ZRANB1: variants seen among roughly 807,000 people sequenced by gnomAD.
The protein encoded by ZRANB1 is zinc finger RANBP2-type containing 1, also known as ubiquitin thioesterase ZRANB1.
ZRANB1 carries 16 observed loss-of-function variants against 80.5 expected under a neutral mutation model. The ratio of observed to expected loss-of-function variants is 0.20; its 90% CI spans 0.13 to 0.30. The LOEUF is 0.30. Among genes scored for constraint, ZRANB1 ranks in the 10% least tolerant of loss-of-function variants. The pLI, the probability that ZRANB1 is intolerant of heterozygous loss-of-function variation, is 1.00. For missense variants in ZRANB1, 576 were observed against 862.6 expected, an observed-to-expected ratio of 0.67 and a Z score of 4.16; for synonymous variants, 291 against 293.1, an observed-to-expected ratio of 0.99 and a Z score of 0.07.
intron 2 of ZRANB1, among the ~76,000 whole-genome samples, chr10:124,971,461 A>G (rs1376821251): frequency 1.3e-5 from 2 of 152,206 alleles, no homozygotes; most frequent in South Asian, 4.1e-4. Flanking sequence ...AATGGAGAGG[A>G]AGAAAGGGCT....
the ZRANB1 span, among the ~76,000 whole-genome samples, chr10:124,922,988 A>G: frequency 6.6e-6 from 1 of 152,020 alleles, no homozygotes; most frequent in African/African-American, 2.4e-5. Flanking sequence ...TTGTTTTCAC[A>G]TTGCTATAAA....
chr10:124,972,346 C>T (rs1055368408), intron 3 of ZRANB1, among the ~76,000 whole-genome samples: 2 of 152,238 alleles, frequency 1.3e-5, no homozygotes, highest in African/African-American at 4.8e-5. Context: ...TAACGGATTT[C>T]TTTGTGGACC....
At chr10:124,938,289 A>G (rs1478305621), upstream of ZRANB1, among the ~76,000 whole-genome samples, 1 of 152,080 alleles carries the variant, frequency 6.6e-6, no homozygotes, top group African/African-American at 2.4e-5. Context: ...CTGTTTACTA[A>G]TTACCACAGG....
intron 1 of ZRANB1, among the ~76,000 whole-genome samples, chr10:124,959,226 TGAAAGA>T (rs1421660981): frequency 6.6e-6 from 1 of 152,116 alleles, no homozygotes; most frequent in African/African-American, 2.4e-5. Flanking sequence ...AGCTGAAACT[TGAAAGA>T]GAAGAAGGAA....
At chr10:124,922,336 ATTTTTT>A in the ZRANB1 span, among the ~76,000 whole-genome samples, 1 of 44,772 alleles carries the variant, frequency 2.2e-5, no homozygotes, top group Non-Finnish European at 5.8e-5. Context: ...GTATATATAT[ATTTTTT>A]TTTTAATAGG....
At chr10:124,925,756 T>A in the ZRANB1 span, among the ~76,000 whole-genome samples, 1 of 152,212 alleles carries the variant, frequency 6.6e-6, no homozygotes, top group Admixed American at 6.5e-5. Flanking sequence ...GAGGTCCAAC[T>A]GAGTTTTTTT....
intron 1 of ZRANB1, among the ~76,000 whole-genome samples, chr10:124,959,640 A>C (rs1028921395): frequency 2.0e-5 from 3 of 151,974 alleles, no homozygotes; most frequent in Admixed American, 6.6e-5. Flanking sequence ...CTTATTCTTT[A>C]AATTTTTTGT....
chr10:124,949,520 CACA>C (rs1457875890), intron 1 of ZRANB1, among the ~76,000 whole-genome samples: 3,792 of 104,244 alleles, frequency 0.036, 100 homozygotes, highest in South Asian at 0.13. Flanking sequence ...CACACACACA[CACA>C]TTTTTTTTTT....
chr10:124,917,119 G>A, the ZRANB1 span: 1 of 153,400 alleles, frequency 6.5e-6, no homozygotes, highest in South Asian at 1.8e-4. Flanking sequence ...GCGGCGGCGC[G>A]AAGGGAGGCG....
In ZRANB1 at chr10:124,966,868, A is replaced by G. The variant is rs575036398; in HGVS notation, c.1002+87A>G. On this transcript the variant is annotated intron_variant, in intron 2 of 8. Coordinates refer to ENST00000359653, the MANE Select transcript of ZRANB1 (RefSeq NM_017580.3). Reference sequence around the variant, plus strand: ...ATTTTTGATTTTATAATGTTTCTCTAAGCAGCTTTAAAATGTTTTGAATTC... The same window carrying G: ...ATTTTTGATTTTATAATGTTTCTCTGAGCAGCTTTAAAATGTTTTGAATTC... The G allele has an allele frequency of 2.4e-6, 3 of 1,269,298 alleles. No individual in the cohort carries two copies. The Admixed American group carries it at 6.7e-5, about 28-fold the overall frequency. The allele number at this position is 1,269,298 out of a possible 1,614,324, so 78.6% of individuals were successfully genotyped here.
chr10:124,922,353 G>T, the ZRANB1 span, among the ~76,000 whole-genome samples: 17 of 131,060 alleles, frequency 1.3e-4, no homozygotes, highest in African/African-American at 4.7e-4. Flanking sequence ...TTTTAATAGG[G>T]TCTCACTGTG....
In ZRANB1 at chr10:124,987,579, CGTT is replaced by C. The variant is rs1203432016; in HGVS notation, c.*2588_*2590del. ...CCTCTTTGATGAGTGGTTACGAAGA[CGTT>C]AAACTACCTTTTTGTTCCCTGGGGT... On this transcript the variant is annotated 3_prime_UTR_variant, in exon 9 of 9. Transcript: ENST00000359653. The C allele has an allele frequency of 6.6e-6, 1 of 152,122 alleles. No individual in the cohort carries two copies. Among genetic ancestry groups the C allele is most frequent in the Non-Finnish European group, 1.5e-5 (1 of 68,038 alleles). 9.4% of individuals were successfully genotyped at this position (152,122 alleles called of 1,614,324 possible).
At chr10:124,927,756 G>A in the ZRANB1 span, among the ~76,000 whole-genome samples, 1 of 152,200 alleles carries the variant, frequency 6.6e-6, no homozygotes, top group Admixed American at 6.5e-5. Flanking sequence ...GGGATTAAAG[G>A]CCTGGCGCGG....
chr10:124,939,056 G>C (rs1951512570), upstream of ZRANB1, among the ~76,000 whole-genome samples: 1 of 151,888 alleles, frequency 6.6e-6, no homozygotes, highest in African/African-American at 2.4e-5. Flanking sequence ...ATGCGCCTGT[G>C]GTCCCAGCTA....
rs141163695 is a variant in ZRANB1, at chr10:124,982,150, C to G, written c.1548+321C>G. Among the ~76,000 whole-genome samples, 1,178 of 152,262 alleles carry G rather than the reference C, an allele frequency of 7.7e-3. 14 individuals are homozygous for G. Among genetic ancestry groups the G allele is most frequent in the African/African-American group, 0.027 (1,139 of 41,560 alleles). On this transcript the variant is annotated intron_variant, in intron 6 of 8. Transcript: ENST00000359653. Reference sequence around the variant, plus strand: ...ATGACGGTTACATACAGTAGATAGTCTTGGGATTGCTCTCCGTTCCTGCAG... The same window carrying G: ...ATGACGGTTACATACAGTAGATAGTGTTGGGATTGCTCTCCGTTCCTGCAG...
Position 124,985,047 on chromosome 10 carries a change from G to A in ZRANB1, c.*55G>A. 2.9e-6 allele frequency: 4 copies of A among 1,362,846 alleles called. No individual in the cohort carries two copies. Among genetic ancestry groups the A allele is most frequent in the Non-Finnish European group, 4.1e-6 (4 of 978,974 alleles). The allele number at this position is 1,362,846 out of a possible 1,614,324, so 84.4% of individuals were successfully genotyped here. On this transcript the variant is annotated 3_prime_UTR_variant, in exon 9 of 9. Transcript: ENST00000359653. ...GCATCAGATCTGTAATGACCCTAAA[G>A]TTAGTGTGGTGCTCCAAGCAGAGTC...
the ZRANB1 span, among the ~76,000 whole-genome samples, chr10:124,934,409 C>G: frequency 6.6e-6 from 1 of 152,248 alleles, no homozygotes; most frequent in African/African-American, 2.4e-5. Context: ...TAATTTAGGA[C>G]TTTTAGAAGA....
chr10:124,941,133 G>A (rs1316158607), upstream of ZRANB1, among the ~76,000 whole-genome samples: 1 of 151,854 alleles, frequency 6.6e-6, no homozygotes, highest in Non-Finnish European at 1.5e-5. Context: ...AAAAATAGGT[G>A]TTGGGATGAT....
At chr10:124,981,678 T>G (rs1453311777) in intron 5 of ZRANB1, 31 bp from the exon 6 acceptor site, 1 of 1,560,086 alleles carries the variant, frequency 6.4e-7, no homozygotes, top group African/African-American at 1.5e-5. Flanking sequence ...GAAGACTATT[T>G]ATTTATTTTT....
Sources: allele counts gnomAD v4.1 joint callset (sites outside exome capture counted in the v4.1 genomes callset), GRCh38; gene constraint gnomAD v4.1.1; transcripts MANE v1.5; gene names NCBI Gene and HGNC (gene_info 2026-07-23, HGNC 2026-07-21).